ABCA12: variants seen among roughly 807,000 people sequenced by gnomAD.
The protein encoded by ABCA12 is glucosylceramide transporter ABCA12.
Under a neutral mutation model 293.5 loss-of-function variants are expected in ABCA12, and 156 were observed. The ratio of observed to expected loss-of-function variants is 0.53; its 90% CI spans 0.47 to 0.61. The LOEUF (loss-of-function observed/expected upper bound fraction) is 0.61. Ranked by LOEUF, ABCA12 falls within the 20% of genes least tolerant of loss-of-function variation. The pLI is 0.00. For missense variants in ABCA12, 2,797 were observed against 3,090.2 expected, an observed-to-expected ratio of 0.91 and a Z score of 2.25; for synonymous variants, 1,063 against 1,108.0, an observed-to-expected ratio of 0.96 and a Z score of 0.81.
intron 1 of ABCA12, among the ~76,000 whole-genome samples, chr2:215,129,269 G>C (rs1215731827): frequency 6.6e-6 from 1 of 152,126 alleles, no homozygotes; most frequent in East Asian, 1.9e-4. Flanking sequence ...GTTTTGGAAG[G>C]GTCTCGGATC....
intron 2 of ABCA12, among the ~76,000 whole-genome samples, chr2:215,090,276 T>C (rs1345360285): frequency 6.6e-6 from 1 of 152,216 alleles, no homozygotes; most frequent in Non-Finnish European, 1.5e-5. Context: ...AAAGCCTGTT[T>C]GGTGGTCTCT....
chr2:215,068,426 G>C (rs949737942), intron 2 of ABCA12, among the ~76,000 whole-genome samples: 5 of 152,136 alleles, frequency 3.3e-5, no homozygotes, highest in African/African-American at 1.2e-4. Flanking sequence ...CAATGAGCCT[G>C]GTTGTATTCC....
chr2:215,028,300 G>C (rs1197520401), intron 9 of ABCA12, among the ~76,000 whole-genome samples: 1 of 152,200 alleles, frequency 6.6e-6, no homozygotes, highest in East Asian at 1.9e-4. Flanking sequence ...CTGGATCCTT[G>C]AGGAACTTTA....
chr2:215,041,082 A>C, intron 7 of ABCA12, among the ~76,000 whole-genome samples: 1 of 152,346 alleles, frequency 6.6e-6, no homozygotes, highest in South Asian at 2.1e-4. Flanking sequence ...TCACCACAAA[A>C]AAATAAGTAT....
chr2:215,064,745 A>G (rs1701608742), intron 2 of ABCA12, among the ~76,000 whole-genome samples: 1 of 151,546 alleles, frequency 6.6e-6, no homozygotes, highest in South Asian at 2.1e-4. Flanking sequence ...ACATGTACTA[A>G]AAAATCCAAA....
At chr2:215,065,483 T>G (rs1395323376) in intron 2 of ABCA12, among the ~76,000 whole-genome samples, 1 of 151,776 alleles carries the variant, frequency 6.6e-6, no homozygotes, top group Non-Finnish European at 1.5e-5. Flanking sequence ...TTAAATGTAG[T>G]TCTGTATAAA....
chr2:215,075,052 T>C (rs933959352), intron 2 of ABCA12, among the ~76,000 whole-genome samples: 2 of 152,198 alleles, frequency 1.3e-5, no homozygotes, highest in African/African-American at 4.8e-5. Context: ...GGCTTCACTT[T>C]AGTGAGTCAA....
rs754072368 is a variant in ABCA12, at chr2:214,978,895, C to T, written c.4886G>A (p.Gly1629Glu). The change falls in exon 32 of 53, where the codon GGG becomes GAG. Residue 1629 changes from glycine (G) to glutamate (E), a missense_variant. By Grantham distance (98) the Gly-to-Glu change is moderately conservative. Coordinates refer to ENST00000272895, the MANE Select transcript of ABCA12 (RefSeq NM_173076.3). Reference protein sequence around the residue: ...VLPPFSTKVSGAYLSLLRALD... With the variant: ...VLPPFSTKVSEAYLSLLRALD... ...TGCCCGTAGGAGTGACAGGTAGGCC[C>T]CTGAGACTTTGGTGCTGAATGGAGG... 5 of 1,613,976 alleles carry T rather than the reference C, an allele frequency of 3.1e-6. No individual in the cohort carries two copies. In the Admixed American group the frequency reaches 8.3e-5, roughly 27 times the overall value.
chr2:214,993,663 G>A (rs190996320), intron 23 of ABCA12, among the ~76,000 whole-genome samples: 66 of 152,122 alleles, frequency 4.3e-4, no homozygotes, highest in Middle Eastern at 6.8e-3. Context: ...AACATATTTC[G>A]TCCCAGTGGT....
At chr2:214,948,460 G>T in intron 47 of ABCA12, 136 bp downstream of exon 47, 2 of 939,262 alleles carry the variant, frequency 2.1e-6, no homozygotes, top group Non-Finnish European at 1.6e-6. Flanking sequence ...ACTGCCAGAA[G>T]GAAAATGACA....
chr2:215,064,331 G>C, intron 2 of ABCA12, 112 bp from the exon 3 acceptor site: 1 of 1,146,206 alleles, frequency 8.7e-7, no homozygotes, highest in East Asian at 2.5e-5. Context: ...CACTCTCCGG[G>C]TCCCCCAACT....
At position 215,064,152 on chromosome 2, in the gene ABCA12, G is replaced by T; in HGVS notation, c.231C>A (p.Asp77Glu). The T allele has an allele frequency of 6.2e-7, 1 of 1,612,916 alleles. No individual in the cohort carries two copies. The highest frequency in any genetic ancestry group is 8.5e-7 in the Non-Finnish European group (1 of 1,179,238). Residue 77 changes from aspartate (D) to glutamate (E), a missense_variant, in exon 3 of 53, where the codon GAC becomes GAA. This residue lies in a region of ABCA12 where 656 missense variants were observed against 638.2 expected (regional missense o/e 1.03). Coordinates refer to ENST00000272895, the MANE Select transcript of ABCA12 (RefSeq NM_173076.3). ...FFPFLQTLLC[D>E]TDSKCKDTPY... ...GTGTGTCTTTGCATTTAGAGTCTGT[G>T]TCACAGAGTAGGGTCTGCAGGAATG...
At chr2:215,114,561 CT>C (rs995016465) in intron 1 of ABCA12, among the ~76,000 whole-genome samples, 8 of 151,882 alleles carry the variant, frequency 5.3e-5, no homozygotes, top group Admixed American at 3.3e-4. Flanking sequence ...GGCCAGGATT[CT>C]TTTTTTTATA....
chr2:215,020,472 C>G (rs1216858228), intron 11 of ABCA12, among the ~76,000 whole-genome samples: 1 of 152,038 alleles, frequency 6.6e-6, no homozygotes, highest in Non-Finnish European at 1.5e-5. Context: ...TGATGAGGTA[C>G]CTAGAGTTGT....
At chr2:214,975,504 GA>G (rs1186919142) in intron 34 of ABCA12, among the ~76,000 whole-genome samples, 2 of 152,088 alleles carry the variant, frequency 1.3e-5, no homozygotes, top group Non-Finnish European at 2.9e-5. Context: ...AACAGATTGG[GA>G]AGCCATACCT....
chr2:215,116,689 C>T (rs1241044638), intron 1 of ABCA12, among the ~76,000 whole-genome samples: 1 of 152,144 alleles, frequency 6.6e-6, no homozygotes, highest in Non-Finnish European at 1.5e-5. Context: ...TATGTACCTA[C>T]AAAATATTTC....
chr2:215,119,734 T>TAAAAAAAAA (rs386654995), intron 1 of ABCA12, among the ~76,000 whole-genome samples: 3 of 75,578 alleles, frequency 4.0e-5, no homozygotes, highest in African/African-American at 1.1e-4. Context: ...CATTAAAAAG[T>TAAAAAAAAA]AAAAAAAAAA....
intron 23 of ABCA12, among the ~76,000 whole-genome samples, chr2:214,991,882 G>A (rs535555569): frequency 2.0e-5 from 3 of 152,064 alleles, no homozygotes; most frequent in Non-Finnish European, 4.4e-5. Flanking sequence ...AGGGCCTGTC[G>A]GGGGATGGAG....
intron 2 of ABCA12, among the ~76,000 whole-genome samples, chr2:215,107,198 G>C (rs562411011): frequency 6.6e-6 from 1 of 152,102 alleles, no homozygotes; most frequent in Non-Finnish European, 1.5e-5. Context: ...CAGTAATTAG[G>C]GGCTGCTTGC....
Sources: allele counts gnomAD v4.1 joint callset (sites outside exome capture counted in the v4.1 genomes callset), GRCh38; gene constraint gnomAD v4.1.1; regional missense constraint gnomAD v4.1.1; transcripts MANE v1.5; gene names NCBI Gene and HGNC (gene_info 2026-07-23, HGNC 2026-07-21).